ROR2: variants seen among roughly 807,000 people sequenced by gnomAD.
ROR2 encodes the protein ROR family WNT receptor 2.
ROR2 carries 33 observed loss-of-function variants against 74.9 expected under a neutral mutation model. That is an observed-to-expected ratio of 0.44 (90% CI 0.33 to 0.59). The LOEUF is 0.59. ROR2 is among the 20% of genes least tolerant of loss of function. The pLI is 0.02. For missense variants in ROR2, 1,216 were observed against 1,313.8 expected, an observed-to-expected ratio of 0.93 and a Z score of 1.15; for synonymous variants, 586 against 558.7, an observed-to-expected ratio of 1.05 and a Z score of -0.69.
intron 1 of ROR2, among the ~76,000 whole-genome samples, chr9:91,874,601 A>C (rs897507014): frequency 6.6e-6 from 1 of 152,164 alleles, no homozygotes; most frequent in Admixed American, 6.5e-5. Context: ...TTGTCATATG[A>C]CTTCTAAAGA....
In ROR2 at chr9:91,733,019, G is replaced by T; in HGVS notation, c.937+103C>A. 1 of 1,196,770 alleles carries T rather than the reference G, an allele frequency of 8.4e-7. No homozygotes were observed. Among genetic ancestry groups the T allele is most frequent in the Non-Finnish European group, 1.2e-6 (1 of 855,994 alleles). The allele number at this position is 1,196,770 out of a possible 1,614,324, so 74.1% of individuals were successfully genotyped here. On this transcript the variant is annotated intron_variant, in intron 6 of 8. Transcript: ENST00000375708. The surrounding 1 kb of genome is among the most constrained non-coding windows in gnomAD (Gnocchi z 5.7). Reference sequence around the variant, plus strand: ...TGCTAAGGGGGTTCTGTGGGGCCTGGACAGATGGGGCTCCCTGGGCTTCAC... The same window carrying T: ...TGCTAAGGGGGTTCTGTGGGGCCTGTACAGATGGGGCTCCCTGGGCTTCAC...
At chr9:91,920,440 A>C (rs187400336) in intron 1 of ROR2, among the ~76,000 whole-genome samples, 7 of 152,318 alleles carry the variant, frequency 4.6e-5, no homozygotes, top group Admixed American at 3.9e-4. Flanking sequence ...CAAGAGTTTG[A>C]GGCTGCAGTG....
intron 1 of ROR2, among the ~76,000 whole-genome samples, chr9:91,886,062 AC>A (rs1405185642): frequency 6.6e-6 from 1 of 151,848 alleles, no homozygotes; most frequent in African/African-American, 2.4e-5. Context: ...TTTAGTAGAG[AC>A]GGGATTTCAC....
intron 1 of ROR2, among the ~76,000 whole-genome samples, chr9:91,811,623 T>C (rs1011808858): frequency 2.8e-4 from 42 of 152,256 alleles, no homozygotes; most frequent in Non-Finnish European, 5.3e-4. Context: ...TACCTCCTCA[T>C]GCAGCTCTCA....
chr9:91,903,701 C>T (rs752809719), intron 1 of ROR2, among the ~76,000 whole-genome samples: 8 of 152,114 alleles, frequency 5.3e-5, no homozygotes, highest in African/African-American at 1.2e-4. Flanking sequence ...CACCCCTTCC[C>T]GGTGAGCATT....
rs545686056 is a variant in ROR2 at position 91,724,827 on chromosome 9, C to G, written c.1667G>C (p.Cys556Ser). 8.7e-6 allele frequency: 14 copies of G among 1,606,280 alleles called. No homozygotes were observed. In the South Asian group the frequency reaches 1.4e-4, roughly 17 times the overall value. Residue 556 changes from cysteine (C) to serine (S), a missense_variant, in exon 9 of 9, where the codon TGT (cysteine) becomes TCT (serine). Coordinates refer to ENST00000375708, the MANE Select transcript of ROR2 (RefSeq NM_004560.4). ...DQPLSMIFSY[C>S]SHGDLHEFLV... is the part of the protein sequence containing the mutation. ...GAATTCGTGGAGGTCGCCGTGCGAA[C>G]AGTAGCTGAAGATCATGCTCAGGGG...
intron 1 of ROR2, among the ~76,000 whole-genome samples, chr9:91,792,594 C>T (rs1277696688): frequency 6.6e-6 from 1 of 152,120 alleles, no homozygotes; most frequent in African/African-American, 2.4e-5. Context: ...AGGCATGAGC[C>T]ATGCGCCCAG....
chr9:91,889,691 C>T (rs16907948), intron 1 of ROR2, among the ~76,000 whole-genome samples: 2,514 of 152,300 alleles, frequency 0.017, 73 homozygotes, highest in African/African-American at 0.058. Context: ...AACACACTAA[C>T]TCCCTAAAAC....
At chr9:91,879,946 T>C (rs1042692529) in intron 1 of ROR2, among the ~76,000 whole-genome samples, 7 of 152,006 alleles carry the variant, frequency 4.6e-5, no homozygotes, top group Non-Finnish European at 1.0e-4. Flanking sequence ...ATACTAAGTT[T>C]TTCATCACAG....
chr9:91,919,609 CA>C (rs749591819), intron 1 of ROR2, among the ~76,000 whole-genome samples: 1 of 152,016 alleles, frequency 6.6e-6, no homozygotes, highest in Non-Finnish European at 1.5e-5. Flanking sequence ...TCTTTCTTAC[CA>C]AATGTGTACC....
chr9:91,735,269 C>A (rs754783219), intron 5 of ROR2, among the ~76,000 whole-genome samples: 5 of 152,238 alleles, frequency 3.3e-5, no homozygotes, highest in Middle Eastern at 3.2e-3. Context: ...TCCAACACAA[C>A]ACTGCACACA....
intron 1 of ROR2, among the ~76,000 whole-genome samples, chr9:91,798,481 A>G (rs1421892074): frequency 5.5e-5 from 2 of 36,150 alleles, no homozygotes; most frequent in Non-Finnish European, 4.8e-5. Context: ...GTAGGTGGGG[A>G]ATGACACCCT....
At chr9:91,933,570 G>A (rs750777033) in intron 1 of ROR2, among the ~76,000 whole-genome samples, 9 of 152,134 alleles carry the variant, frequency 5.9e-5, no homozygotes, top group Non-Finnish European at 1.3e-4. Flanking sequence ...TAAAAATGAG[G>A]TAGCCTGGCA....
rs1825787439 is a variant in ROR2 at position 91,757,351 on chromosome 9, T to G, written c.384A>C (p.Thr128=). The part of the protein sequence containing the change: ...SRLRIQDLDT[T]DTGYYQCVAT... ...CCACGCACTGGTAGTAGCCAGTGTC[T>G]GTCGTGTCCAGGTCCTGGATTCGCA... is the stretch of plus-strand genomic sequence containing the variant. The change falls in exon 3 of 9, where the codon ACA becomes ACC. Residue 128 remains threonine, a synonymous_variant. Transcript: ENST00000375708. 5 of 1,613,904 alleles carry G rather than the reference T, an allele frequency of 3.1e-6. No homozygotes were observed. The South Asian group carries it at 5.5e-5, about 18-fold the overall frequency.
At chr9:91,840,956 G>A (rs2119216065) in intron 1 of ROR2, among the ~76,000 whole-genome samples, 1 of 152,338 alleles carries the variant, frequency 6.6e-6, no homozygotes, top group South Asian at 2.1e-4. Flanking sequence ...ATGCATTAAT[G>A]GCATGATTTG....
At chr9:91,938,541 G>C (rs1831762666) in intron 1 of ROR2, among the ~76,000 whole-genome samples, 6 of 152,100 alleles carry the variant, frequency 3.9e-5, no homozygotes, top group Admixed American at 3.9e-4. Flanking sequence ...AGGATCACTT[G>C]AGCCCAGGAG....
chr9:91,905,302 A>T lies in ROR2; in HGVS notation c.97+44565T>A, dbSNP rs1054060364. ...TTCAGCACACACAATACCACACACC[A>T]GACACACCACACACATACAATCATA... On this transcript the variant is annotated intron_variant, in intron 1 of 8. Coordinates refer to ENST00000375708, the MANE Select transcript of ROR2 (RefSeq NM_004560.4). The surrounding 1 kb of genome is among the most constrained non-coding windows in gnomAD (Gnocchi z 5.3). Among the ~76,000 whole-genome samples, 3 of 151,370 alleles carry T rather than the reference A, an allele frequency of 2.0e-5. No individual in the cohort carries two copies. The highest frequency in any genetic ancestry group is 7.3e-5 in the African/African-American group (3 of 41,228).
intron 1 of ROR2, among the ~76,000 whole-genome samples, chr9:91,857,087 T>C (rs965891009): frequency 2.0e-5 from 3 of 152,232 alleles, no homozygotes; most frequent in Admixed American, 2.0e-4. Context: ...TGCACACTTA[T>C]GTGCAGTGTG....
intron 1 of ROR2, among the ~76,000 whole-genome samples, chr9:91,929,417 G>A (rs1412040429): frequency 6.6e-6 from 1 of 152,174 alleles, no homozygotes; most frequent in African/African-American, 2.4e-5. Context: ...GGACGCCCTT[G>A]CAGCTTCTCA....
Sources: gnomAD v4.1 joint callset for allele counts (sites outside exome capture counted in the v4.1 genomes callset) on GRCh38, gnomAD v4.1.1 for gene constraint, Gnocchi (gnomAD v3.1) non-coding constraint, MANE v1.5 for transcripts, NCBI Gene and HGNC (gene_info 2026-07-23, HGNC 2026-07-21) for gene names.